Variants in ARFIP1 observed in about 807,000 individuals in gnomAD.
ARFIP1 encodes the protein ARF interacting protein 1.
ARFIP1 carries 24 observed loss-of-function variants against 42.5 expected under a neutral mutation model. That is an observed-to-expected ratio of 0.57 (90% CI 0.41 to 0.80). The LOEUF (loss-of-function observed/expected upper bound fraction) is 0.80. Ranked by LOEUF, ARFIP1 falls within the 30% of genes least tolerant of loss-of-function variation. ARFIP1 has a pLI of 0.00. For synonymous variants in ARFIP1, 141 were observed against 153.7 expected (o/e 0.92, Z 0.61); for missense variants, 354 against 434.0 (o/e 0.82, Z 1.64).
intron 1 of ARFIP1, among the ~76,000 whole-genome samples, chr4:152,819,097 C>T (rs1730145356): frequency 6.6e-6 from 1 of 152,150 alleles, no homozygotes; most frequent in East Asian, 1.9e-4. Context: ...TGCCCATTAC[C>T]TGAGGCAGCA....
At chr4:152,815,230 C>A (rs944932594) in intron 1 of ARFIP1, among the ~76,000 whole-genome samples, 12 of 152,060 alleles carry the variant, frequency 7.9e-5, no homozygotes, top group African/African-American at 2.9e-4. Flanking sequence ...CAGGCCAAAT[C>A]CATGCTCATT....
chr4:152,876,678 C>T (rs1007156738), intron 5 of ARFIP1, among the ~76,000 whole-genome samples: 2 of 152,244 alleles, frequency 1.3e-5, no homozygotes, highest in Admixed American at 6.5e-5. Flanking sequence ...AAAATGTCTT[C>T]AGGCCATGTC....
chr4:152,893,783 A>G (rs1012835276), intron 8 of ARFIP1, among the ~76,000 whole-genome samples: 26 of 152,176 alleles, frequency 1.7e-4, no homozygotes, highest in African/African-American at 6.3e-4. Flanking sequence ...TCCTGGACAC[A>G]TATTTGATTT....
intron 2 of ARFIP1, among the ~76,000 whole-genome samples, chr4:152,838,635 C>T (rs1731838914): frequency 6.6e-6 from 1 of 152,186 alleles, no homozygotes; most frequent in African/African-American, 2.4e-5. Flanking sequence ...CATCTTGTAT[C>T]TGGAAACTTT....
chr4:152,897,983 C>CTTTTT (rs766083303), intron 8 of ARFIP1, among the ~76,000 whole-genome samples: 2 of 121,496 alleles, frequency 1.6e-5, no homozygotes, highest in Non-Finnish European at 3.4e-5. Flanking sequence ...TTGCAATGTT[C>CTTTTT]TTTTTTTTTT....
chr4:152,826,402 A>G (rs1730841527), intron 1 of ARFIP1, among the ~76,000 whole-genome samples: 1 of 152,218 alleles, frequency 6.6e-6, no homozygotes, highest in African/African-American at 2.4e-5. Context: ...GTTCTCACTT[A>G]TAAGTGGGGA....
Position 152,780,039 on chromosome 4 carries a change from G to A in ARFIP1, c.-197G>A, listed in dbSNP as rs1561089222. 1 of 152,474 alleles carries A rather than the reference G, an allele frequency of 6.6e-6. No individual in the cohort carries two copies. The highest frequency in any genetic ancestry group is 1.5e-5 in the Non-Finnish European group (1 of 68,182). The allele number at this position is 152,474 out of a possible 1,614,324, so 9.4% of individuals were successfully genotyped here. On this transcript the variant is annotated 5_prime_UTR_variant, in exon 1 of 9. Coordinates refer to ENST00000353617, the MANE Select transcript of ARFIP1 (RefSeq NM_001025595.3). The stretch of plus-strand genomic sequence containing the variant: ...CCGGTCCGACTGTCCTCGGCGGTTG[G>A]TCAGTGTGAATTTGTGACAGCTGCA...
rs1439363675 is a variant in ARFIP1, at chr4:152,875,381, A to T, written c.411+2817A>T. 3.4e-3 allele frequency among the ~76,000 whole-genome samples: 480 copies of T among 142,754 alleles called. 2 individuals carry two copies. Among genetic ancestry groups the T allele is most frequent in the African/African-American group, 3.9e-3 (144 of 36,652 alleles). 93.7% of individuals were successfully genotyped at this position (142,754 alleles called of 152,430 possible). A position where few individuals can be genotyped will look rare whatever the true frequency, so the allele number is the denominator to read the frequency against. ...TTTTGAAGTTTGTCTTTTTTTATAA[A>T]AAAAAAAAAAAAAAAAAAAAGAATA... On this transcript the variant is annotated intron_variant, in intron 5 of 8. Transcript: ENST00000353617.
At chr4:152,847,645 T>C (rs553589953) in intron 2 of ARFIP1, among the ~76,000 whole-genome samples, 1 of 152,290 alleles carries the variant, frequency 6.6e-6, no homozygotes, top group African/African-American at 2.4e-5. Context: ...CAATTTAATC[T>C]AAATAATTCA....
At chr4:152,905,545 GTTTTTTTTTTTTTTTT>G (rs59608457) in intron 8 of ARFIP1, among the ~76,000 whole-genome samples, 1 of 30,372 alleles carries the variant, frequency 3.3e-5, no homozygotes, top group African/African-American at 1.2e-4. Flanking sequence ...TGTAAGAATT[GTTTTTTTTTTTTTTTT>G]TTTTTTTTTG....
intron 8 of ARFIP1, among the ~76,000 whole-genome samples, chr4:152,888,717 GT>G (rs1341988534): frequency 6.6e-6 from 1 of 152,092 alleles, no homozygotes; most frequent in Non-Finnish European, 1.5e-5. Flanking sequence ...TAGCTAAAAG[GT>G]CCAGCTTAGG....
chr4:152,781,190 G>A (rs1007498972), intron 1 of ARFIP1, among the ~76,000 whole-genome samples: 7 of 150,452 alleles, frequency 4.7e-5, no homozygotes, highest in Non-Finnish European at 1.0e-4. Flanking sequence ...GTTACCTTAA[G>A]TCAGCCGTCT....
intron 2 of ARFIP1, among the ~76,000 whole-genome samples, chr4:152,834,891 G>A (rs561456814): frequency 1.3e-5 from 2 of 152,200 alleles, no homozygotes; most frequent in East Asian, 3.8e-4. Flanking sequence ...ACACCACATG[G>A]AAGCTGCCAA....
intron 1 of ARFIP1, among the ~76,000 whole-genome samples, chr4:152,820,445 T>TA (rs940990494): frequency 3.9e-5 from 6 of 152,094 alleles, no homozygotes; most frequent in African/African-American, 7.2e-5. Context: ...CTTACATTGC[T>TA]AAAAAAACTA....
At chr4:152,888,502 G>A (rs892259182) in intron 8 of ARFIP1, among the ~76,000 whole-genome samples, 195 bp downstream of exon 8, 9 of 152,164 alleles carry the variant, frequency 5.9e-5, no homozygotes, top group East Asian at 1.9e-4. Context: ...CAATGCCACC[G>A]TCCCAGTCTT....
At chr4:152,875,867 C>A (rs1024553344) in intron 5 of ARFIP1, among the ~76,000 whole-genome samples, 2 of 151,900 alleles carry the variant, frequency 1.3e-5, no homozygotes, top group Non-Finnish European at 2.9e-5. Flanking sequence ...TCATGGGAGC[C>A]GGTCTTTCCC....
chr4:152,896,078 G>A (rs1477287587), intron 8 of ARFIP1, among the ~76,000 whole-genome samples: 1 of 152,070 alleles, frequency 6.6e-6, no homozygotes, highest in African/African-American at 2.4e-5. Flanking sequence ...AGGGGCTGGG[G>A]TATCATGGAA....
intron 2 of ARFIP1, among the ~76,000 whole-genome samples, chr4:152,838,530 T>C (rs1731831393): frequency 6.6e-6 from 1 of 151,830 alleles, no homozygotes; most frequent in African/African-American, 2.4e-5. Flanking sequence ...TTTATTATTA[T>C]TTTTTGCAGC....
intron 3 of ARFIP1, among the ~76,000 whole-genome samples, chr4:152,869,329 T>A (rs143019742): frequency 6.6e-6 from 1 of 152,226 alleles, no homozygotes; most frequent in South Asian, 2.1e-4. Flanking sequence ...CATTAAAATA[T>A]TCTCAGCTAA....
Sources: gnomAD v4.1 joint callset for allele counts (sites outside exome capture counted in the v4.1 genomes callset) on GRCh38, gnomAD v4.1.1 for gene constraint, MANE v1.5 for transcripts, NCBI Gene and HGNC (gene_info 2026-07-23, HGNC 2026-07-21) for gene names.